The following ZDHHC5 variants were observed in gnomAD, a reference collection of about 807,000 sequenced individuals.
ZDHHC5 encodes zDHHC palmitoyltransferase 5.
ZDHHC5 carries 22 observed loss-of-function variants against 70.0 expected under a neutral mutation model. That is an observed-to-expected ratio of 0.31 (90% CI 0.22 to 0.45). The LOEUF is 0.45. Ranked by LOEUF, ZDHHC5 falls within the 20% of genes least tolerant of loss-of-function variation. ZDHHC5 has a pLI of 1.00. For missense variants in ZDHHC5, 746 were observed against 926.9 expected (o/e 0.80, Z 2.53); for synonymous variants, 313 against 347.8 (o/e 0.90, Z 1.11).
chr11:57,682,424 G>A lies in ZDHHC5; in HGVS notation c.107G>A (p.Cys36Tyr), dbSNP rs1452032579. Reference sequence around the variant, plus strand: ...CATTTTCTTTATTGTCTGTGCAGGTGTCCAGGACTAAGCCTGTATGTGTCA... The same window carrying A: ...CATTTTCTTTATTGTCTGTGCAGGTATCCAGGACTAAGCCTGTATGTGTCA... ...GATTLFFAFT[C>Y]PGLSLYVSPA... The change falls in exon 3 of 12, where the codon TGT (cysteine) becomes TAT (tyrosine). Residue 36 changes from cysteine to tyrosine, a missense_variant and splice_region_variant. Physicochemically the swap from Cys to Tyr is radical, Grantham distance 194. Around this residue, in one of 6 missense-constraint regions of ZDHHC5, gnomAD observed 89 missense variants for 130.7 expected, o/e 0.68. Coordinates refer to ENST00000287169, the MANE Select transcript of ZDHHC5 (RefSeq NM_015457.3). 1.2e-6 allele frequency: 2 copies of A among 1,612,606 alleles called. No homozygotes were observed. The highest frequency in any genetic ancestry group is 1.7e-5 in the Admixed American group (1 of 59,742).
intron 3 of ZDHHC5, among the ~76,000 whole-genome samples, chr11:57,688,203 AT>A (rs899688026): frequency 1.3e-5 from 2 of 152,196 alleles, no homozygotes; most frequent in Admixed American, 6.5e-5. Flanking sequence ...TATGTAAACT[AT>A]TTCTTTAAAA....
Position 57,700,769 on chromosome 11 carries a change from T to G in ZDHHC5, c.*738T>G, listed in dbSNP as rs982053898. On this transcript the variant is annotated 3_prime_UTR_variant, in exon 12 of 12. Transcript: ENST00000287169. Reference sequence around the variant, plus strand: ...AGGGGTCAAAACTTCAAGACACTGGTGGTGGTGGGAGATCAGGAAAATAAC... The same window carrying G: ...AGGGGTCAAAACTTCAAGACACTGGGGGTGGTGGGAGATCAGGAAAATAAC... 2 of 152,542 alleles carry G rather than the reference T, an allele frequency of 1.3e-5. No homozygotes were observed. Among genetic ancestry groups the G allele is most frequent in the East Asian group, 1.9e-4 (1 of 5,198 alleles). 9.4% of individuals were successfully genotyped at this position (152,542 alleles called of 1,614,324 possible).
At chr11:57,680,457 C>T (rs1946136022) in intron 2 of ZDHHC5, among the ~76,000 whole-genome samples, 1 of 152,222 alleles carries the variant, frequency 6.6e-6, no homozygotes, top group African/African-American at 2.4e-5. Flanking sequence ...TTCTTACTCT[C>T]ATTAGTTTCT....
At chr11:57,679,286 C>T (rs1481757859) in intron 2 of ZDHHC5, among the ~76,000 whole-genome samples, 3 of 152,092 alleles carry the variant, frequency 2.0e-5, no homozygotes, top group Non-Finnish European at 2.9e-5. Flanking sequence ...CTCAGCCTCC[C>T]GAGTAGCTGG....
At chr11:57,699,779 T>A (rs907509947) in intron 11 of ZDHHC5, 87 bp from the exon 12 acceptor site, 89 of 1,538,672 alleles carry the variant, frequency 5.8e-5, no homozygotes, top group Non-Finnish European at 7.7e-5. Flanking sequence ...AGAACATCAT[T>A]TTTTTCTCTG....
chr11:57,680,341 C>CA (rs1469162741), intron 2 of ZDHHC5, among the ~76,000 whole-genome samples: 1 of 152,096 alleles, frequency 6.6e-6, no homozygotes, highest in Non-Finnish European at 1.5e-5. Context: ...CTTGCCACTA[C>CA]ACTCCAGCCT....
At chr11:57,696,897 G>T in intron 10 of ZDHHC5, 24 bp downstream of exon 10, 1 of 1,609,218 alleles carries the variant, frequency 6.2e-7, no homozygotes, top group Non-Finnish European at 8.5e-7. Flanking sequence ...TAAGAGGTGG[G>T]GTAATAACAT....
chr11:57,692,605 C>T lies in ZDHHC5; in HGVS notation c.661-6C>T. ...TTCTAACCTGGTATTTTTTTTCTCC[C>T]TCTAGGTTACGGGTAAATTCCGGGG... is the stretch of plus-strand genomic sequence containing the variant. On this transcript the variant is annotated splice_region_variant and splice_polypyrimidine_tract_variant and intron_variant, in intron 6 of 11. Transcript: ENST00000287169. 1.2e-6 allele frequency: 2 copies of T among 1,612,964 alleles called. No individual in the cohort carries two copies. Among genetic ancestry groups the T allele is most frequent in the African/African-American group, 1.3e-5 (1 of 74,902 alleles).
chr11:57,686,945 C>T (rs1946215263), intron 3 of ZDHHC5, among the ~76,000 whole-genome samples: 1 of 151,988 alleles, frequency 6.6e-6, no homozygotes. Flanking sequence ...ATTCTCCTGC[C>T]TCAGCCTCCC....
At position 57,672,204 on chromosome 11, in the gene ZDHHC5, A is replaced by G. The variant is rs1323537207; in HGVS notation, c.-887A>G. 3 of 398,460 alleles carry G rather than the reference A, an allele frequency of 7.5e-6. No individual in the cohort carries two copies. Among genetic ancestry groups the G allele is most frequent in the African/African-American group, 4.1e-5 (2 of 48,634 alleles). The allele number at this position is 398,460 out of a possible 1,614,324, so 24.7% of individuals were successfully genotyped here. The stretch of plus-strand genomic sequence containing the variant: ...TCTTATTCTGCCTATTGGGAAGAAC[A>G]TGGCTTCAAGGATTTTAAGTTTCCC... On this transcript the variant is annotated 5_prime_UTR_variant, in exon 2 of 12. The change abolishes an upstream ATG in the 5' untranslated region. Transcript: ENST00000287169.
At position 57,699,980 on chromosome 11, in the gene ZDHHC5, A is replaced by C; in HGVS notation, c.2097A>C (p.Gly699=). Residue 699 remains glycine, a synonymous_variant, in exon 12 of 12, where the codon GGA becomes GGC. Coordinates refer to ENST00000287169, the MANE Select transcript of ZDHHC5 (RefSeq NM_015457.3). ...CTCTCAGTAGCCCCACGAGGGGAGG[A>C]GTCAAGAAGGTGTCAGGGGTTGGTG... ...QPPLSSPTRG[G]VKKVSGVGGT... The C allele has an allele frequency of 6.2e-7, 1 of 1,613,012 alleles. No individual in the cohort carries two copies. Among genetic ancestry groups the C allele is most frequent in the South Asian group, 1.1e-5 (1 of 90,946 alleles).
chr11:57,698,392 A>G (rs2135406238), intron 10 of ZDHHC5, among the ~76,000 whole-genome samples, 167 bp from the exon 11 acceptor site: 1 of 152,178 alleles, frequency 6.6e-6, no homozygotes, highest in South Asian at 2.1e-4. Context: ...AGGAGATGAT[A>G]TTTGCCTGAA....
intron 2 of ZDHHC5, among the ~76,000 whole-genome samples, chr11:57,678,766 C>T (rs990613951): frequency 5.6e-4 from 85 of 152,076 alleles, no homozygotes; most frequent in African/African-American, 1.9e-3. Context: ...GTAGTCCCAG[C>T]TACTTGGGAG....
chr11:57,698,285 T>C (rs1047362456), intron 10 of ZDHHC5, among the ~76,000 whole-genome samples: 2 of 152,184 alleles, frequency 1.3e-5, no homozygotes, highest in Admixed American at 6.6e-5. Context: ...CTGGGCAATA[T>C]AGCATAATAG....
rs1946300518 is a variant in ZDHHC5 at position 57,692,665 on chromosome 11, A to G, written c.715A>G (p.Asn239Asp). The change falls in exon 7 of 12, where the codon AAT (asparagine) becomes GAT (aspartate). Residue 239 changes from asparagine to aspartate, a missense_variant. Asn to Asp is a conservative substitution (Grantham distance 23). Around this residue, in one of 6 missense-constraint regions of ZDHHC5, gnomAD observed 114 missense variants for 179.3 expected, o/e 0.64. Transcript: ENST00000287169. ...VNPFTNGCCNNVSRVLCSSPA... is the reference protein window; with the variant it reads ...VNPFTNGCCNDVSRVLCSSPA... ...CCCCTTCACCAATGGCTGCTGTAAC[A>G]ATGTCAGCCGTGTTCTCTGCAGTTC... 3 of 1,613,964 alleles carry G rather than the reference A, an allele frequency of 1.9e-6. No individual in the cohort carries two copies. Among genetic ancestry groups the G allele is most frequent in the Non-Finnish European group, 2.5e-6 (3 of 1,180,014 alleles).
intron 2 of ZDHHC5, among the ~76,000 whole-genome samples, chr11:57,679,009 C>T (rs995056170): frequency 3.9e-5 from 6 of 152,108 alleles, no homozygotes; most frequent in Non-Finnish European, 8.8e-5. Context: ...GATTAAAATC[C>T]AAAGATTCTT....
intron 3 of ZDHHC5, among the ~76,000 whole-genome samples, chr11:57,687,388 C>T (rs868685838): frequency 2.6e-5 from 4 of 151,748 alleles, no homozygotes; most frequent in African/African-American, 4.8e-5. Context: ...CTGGGGAACA[C>T]GGTAAAACCC....
chr11:57,693,803 AAG>A lies in ZDHHC5; in HGVS notation c.777_778del (p.Lys260AspfsTer25). ...CTTAGGTATTTGGGGAGACCAAAGA[AAG>A]AGAAGACAATTGTAATCAGACCTCC... is the stretch of plus-strand genomic sequence containing the variant. On this transcript the variant is annotated frameshift_variant, in exon 8 of 12. Coordinates refer to ENST00000287169, the MANE Select transcript of ZDHHC5 (RefSeq NM_015457.3). LOFTEE classifies it high-confidence loss of function. 6.3e-7 allele frequency: 1 copy of A among 1,576,310 alleles called. No individual in the cohort carries two copies. Among genetic ancestry groups the A allele is most frequent in the Non-Finnish European group, 8.6e-7 (1 of 1,161,374 alleles).
intron 6 of ZDHHC5, among the ~76,000 whole-genome samples, chr11:57,691,635 G>GT (rs562547414): frequency 4.6e-5 from 7 of 152,148 alleles, no homozygotes; most frequent in Non-Finnish European, 8.8e-5. Context: ...TAAGATGATA[G>GT]TTTTTTAAAC....
Sources: allele counts gnomAD v4.1 joint callset (sites outside exome capture counted in the v4.1 genomes callset), GRCh38; gene constraint gnomAD v4.1.1; regional missense constraint gnomAD v4.1.1; transcripts MANE v1.5; gene names NCBI Gene and HGNC (gene_info 2026-07-23, HGNC 2026-07-21).